AOPEP: variants seen among roughly 807,000 people sequenced by gnomAD.
The protein encoded by AOPEP is aminopeptidase O.
In AOPEP, 77 loss-of-function variants were observed where a neutral mutation model predicts 98.1. That is an observed-to-expected ratio of 0.78 (90% CI 0.65 to 0.95). The LOEUF is 0.95. Among genes scored for constraint, AOPEP ranks in the 40% least tolerant of loss-of-function variants. The pLI, the probability that AOPEP is intolerant of heterozygous loss-of-function variation, is 0.00. For synonymous variants in AOPEP, 346 were observed against 365.3 expected (o/e 0.95, Z 0.60); for missense variants, 1,024 against 1,024.7 (o/e 1.00, Z 0.01).
intron 11 of AOPEP, among the ~76,000 whole-genome samples, chr9:94,998,021 G>A (rs956896022): frequency 1.3e-5 from 2 of 151,958 alleles, no homozygotes; most frequent in Non-Finnish European, 2.9e-5. Context: ...AGGTTATAAT[G>A]TCCATGAATA....
At chr9:95,031,883 A>G (rs1472147361) in intron 13 of AOPEP, among the ~76,000 whole-genome samples, 1 of 152,172 alleles carries the variant, frequency 6.6e-6, no homozygotes, top group Non-Finnish European at 1.5e-5. Context: ...ATGTGCCACA[A>G]CTGAGGGGCT....
At chr9:94,965,852 T>C (rs1426190879) in intron 9 of AOPEP, among the ~76,000 whole-genome samples, 1 of 151,340 alleles carries the variant, frequency 6.6e-6, no homozygotes, top group Non-Finnish European at 1.5e-5. Context: ...GTTCGCTGGG[T>C]GTCATCAGAG....
chr9:94,896,691 C>T (rs1300761402), intron 5 of AOPEP, among the ~76,000 whole-genome samples: 1 of 152,102 alleles, frequency 6.6e-6, no homozygotes, highest in Non-Finnish European at 1.5e-5. Context: ...AGTACTTGAC[C>T]ATTACACCTT....
At chr9:94,912,120 TGTG>T (rs757711828) in intron 5 of AOPEP, among the ~76,000 whole-genome samples, 29 of 152,252 alleles carry the variant, frequency 1.9e-4, no homozygotes, top group Non-Finnish European at 3.7e-4. Flanking sequence ...CCACCGTACT[TGTG>T]GTGGTTTGTT....
intron 5 of AOPEP, among the ~76,000 whole-genome samples, chr9:94,834,697 G>C (rs941225169): frequency 6.6e-6 from 1 of 152,102 alleles, no homozygotes; most frequent in African/African-American, 2.4e-5. Flanking sequence ...GGAGGCTGAG[G>C]CAGGAGAATC....
intron 1 of AOPEP, among the ~76,000 whole-genome samples, chr9:94,756,478 C>T (rs1375863642): frequency 1.3e-5 from 2 of 152,010 alleles, no homozygotes; most frequent in African/African-American, 2.4e-5. Context: ...GAAGGAGGAT[C>T]GCTTGAGCCC....
intron 5 of AOPEP, among the ~76,000 whole-genome samples, chr9:94,895,840 C>T (rs1357206686): frequency 2.6e-5 from 4 of 152,240 alleles, no homozygotes; most frequent in African/African-American, 7.2e-5. Context: ...AGATGTGAGC[C>T]CCTGCACTCG....
chr9:95,003,224 T>C (rs1248276615), intron 11 of AOPEP, among the ~76,000 whole-genome samples: 1 of 152,192 alleles, frequency 6.6e-6, no homozygotes, highest in Non-Finnish European at 1.5e-5. Context: ...GAAAAAACTT[T>C]TCAAATAACT....
chr9:95,034,907 A>G, intron 13 of AOPEP, among the ~76,000 whole-genome samples: 1 of 152,178 alleles, frequency 6.6e-6, no homozygotes, highest in Non-Finnish European at 1.5e-5. Flanking sequence ...TTGGGAGAGA[A>G]GTGGGAAGAC....
intron 7 of AOPEP, among the ~76,000 whole-genome samples, chr9:94,931,423 A>G (rs1423538753): frequency 6.6e-6 from 1 of 152,198 alleles, no homozygotes; most frequent in African/African-American, 2.4e-5. Flanking sequence ...TGTACTTACA[A>G]TGAGGAGGAA....
At chr9:94,910,478 A>G (rs984430012) in intron 5 of AOPEP, among the ~76,000 whole-genome samples, 1 of 152,150 alleles carries the variant, frequency 6.6e-6, no homozygotes, top group Non-Finnish European at 1.5e-5. Context: ...GGGCTCCCTC[A>G]AGGGTGGGAC....
chr9:94,817,698 C>G (rs568955060), intron 5 of AOPEP, among the ~76,000 whole-genome samples: 1 of 152,260 alleles, frequency 6.6e-6, no homozygotes, highest in East Asian at 1.9e-4. Context: ...TTTAGCATGG[C>G]CAATAAACCA....
chr9:94,970,983 T>C (rs1247878926), intron 10 of AOPEP, among the ~76,000 whole-genome samples: 1 of 152,158 alleles, frequency 6.6e-6, no homozygotes, highest in Non-Finnish European at 1.5e-5. Context: ...AAGAACTTCT[T>C]AGGGCATAAA....
the AOPEP span, among the ~76,000 whole-genome samples, chr9:95,124,359 T>C: frequency 5.3e-5 from 8 of 152,120 alleles, no homozygotes; most frequent in East Asian, 1.9e-4. Flanking sequence ...CAAATATATA[T>C]GCTGAAAGGT....
chr9:95,137,102 G>T, the AOPEP span, among the ~76,000 whole-genome samples: 2 of 152,146 alleles, frequency 1.3e-5, no homozygotes, highest in Non-Finnish European at 2.9e-5. Context: ...CTAAAGTGGG[G>T]GCGTAAGCCT....
chr9:95,067,966 T>G (rs1389731998), intron 14 of AOPEP, among the ~76,000 whole-genome samples: 1 of 152,256 alleles, frequency 6.6e-6, no homozygotes, highest in African/African-American at 2.4e-5. Flanking sequence ...TTCTTTTGAC[T>G]TAGCATAATG....
chr9:94,857,942 A>G (rs2044435613), intron 5 of AOPEP, among the ~76,000 whole-genome samples: 2 of 151,980 alleles, frequency 1.3e-5, no homozygotes, highest in South Asian at 4.1e-4. Context: ...TTTAAGACAC[A>G]GGATCTCACT....
the AOPEP span, among the ~76,000 whole-genome samples, chr9:95,143,432 G>A: frequency 6.6e-6 from 1 of 152,130 alleles, no homozygotes; most frequent in Non-Finnish European, 1.5e-5. Context: ...CCATCCCGAG[G>A]CTATCTGGGG....
chr9:94,802,647 A>C (rs945941049), intron 5 of AOPEP, among the ~76,000 whole-genome samples: 2 of 152,224 alleles, frequency 1.3e-5, no homozygotes, highest in African/African-American at 4.8e-5. Context: ...TTTGAAAAAT[A>C]TGGTGGTGAT....
Sources: gnomAD v4.1 joint callset for allele counts (sites outside exome capture counted in the v4.1 genomes callset) on GRCh38, gnomAD v4.1.1 for gene constraint, MANE v1.5 for transcripts, NCBI Gene and HGNC (gene_info 2026-07-23, HGNC 2026-07-21) for gene names.